Variants in PCA3 observed in about 807,000 individuals in gnomAD.
PCA3 encodes the protein prostate cancer associated 3, also known as Differential Display code 3.
intron 2 of PCA3, among the ~76,000 whole-genome samples, chr9:76,768,623 G>GTGTGTGTATATA (rs1491356086): frequency 7.7e-6 from 1 of 130,152 alleles, no homozygotes; most frequent in African/African-American, 2.8e-5. Context: ...GTGTGTGTGT[G>GTGTGTGTATATA]TATATCCCTG....
At chr9:76,785,402 G>C (rs2054874655) in intron 2 of PCA3, 1 of 152,178 alleles carries the variant, frequency 6.6e-6, no homozygotes, top group African/African-American at 2.4e-5. Flanking sequence ...TGTTTATGGG[G>C]CACGTTTGTA....
chr9:76,782,997 T>A (rs1791866847), intron 2 of PCA3, among the ~76,000 whole-genome samples: 1 of 152,218 alleles, frequency 6.6e-6, no homozygotes, highest in South Asian at 2.1e-4. Context: ...CTCCCCCATG[T>A]TACGTGTCAT....
At chr9:76,781,287 G>A (rs1400523139) in intron 2 of PCA3, among the ~76,000 whole-genome samples, 1 of 152,182 alleles carries the variant, frequency 6.6e-6, no homozygotes, top group East Asian at 1.9e-4. Flanking sequence ...AGTCTGAAGT[G>A]TTCACTCTGG....
intron 2 of PCA3, among the ~76,000 whole-genome samples, chr9:76,767,076 T>C (rs1366180587): frequency 6.6e-6 from 1 of 152,206 alleles, no homozygotes; most frequent in Non-Finnish European, 1.5e-5. Flanking sequence ...ACATACTTAC[T>C]GATGAATAAA....
chr9:76,772,702 T>G (rs1428429839), intron 2 of PCA3, among the ~76,000 whole-genome samples: 1 of 152,168 alleles, frequency 6.6e-6, no homozygotes, highest in East Asian at 1.9e-4. Flanking sequence ...TAGCTGGGAC[T>G]ATAGGCACAC....
intron 2 of PCA3, among the ~76,000 whole-genome samples, chr9:76,764,979 T>G (rs73460248): frequency 6.6e-6 from 1 of 152,124 alleles, no homozygotes; most frequent in Non-Finnish European, 1.5e-5. Context: ...GCAGAGCAGA[T>G]TTAGAGAAAA....
At chr9:76,771,827 C>T (rs562950473) in intron 2 of PCA3, among the ~76,000 whole-genome samples, 1 of 152,268 alleles carries the variant, frequency 6.6e-6, no homozygotes, top group Admixed American at 6.5e-5. Context: ...CCACAAAAGC[C>T]ACCAACCACT....
At chr9:76,776,893 TACAC>T (rs541232508) in intron 2 of PCA3, among the ~76,000 whole-genome samples, 1,280 of 115,628 alleles carry the variant, frequency 0.011, 6 homozygotes, top group East Asian at 0.028. Flanking sequence ...CCAAAACACA[TACAC>T]ACACACACAC....
intron 2 of PCA3, chr9:76,779,070 T>C (rs1372177189): frequency 2.0e-5 from 3 of 152,218 alleles, no homozygotes; most frequent in East Asian, 1.9e-4. Context: ...GAAGATACTA[T>C]GTTATGTGAT....
chr9:76,768,641 GATC>G (rs1388042641), intron 2 of PCA3, among the ~76,000 whole-genome samples: 19 of 145,682 alleles, frequency 1.3e-4, no homozygotes, highest in African/African-American at 3.3e-4. Context: ...CTGCTGACTA[GATC>G]ATCAACAATT....
At chr9:76,773,150 A>T (rs7022141) in intron 2 of PCA3, among the ~76,000 whole-genome samples, 84,988 of 152,086 alleles carry the variant, frequency 0.56, 25,249 homozygotes, top group African/African-American at 0.76. Flanking sequence ...CCCAAGTTAA[A>T]TTTACTTCAC....
At chr9:76,772,232 G>C (rs1486940773) in intron 2 of PCA3, among the ~76,000 whole-genome samples, 1 of 152,278 alleles carries the variant, frequency 6.6e-6, no homozygotes, top group African/African-American at 2.4e-5. Context: ...CCACTACAGA[G>C]GGAAATAACA....
intron 2 of PCA3, among the ~76,000 whole-genome samples, chr9:76,780,956 A>G (rs7861307): frequency 0.22 from 33,048 of 152,052 alleles, 3,667 homozygotes; most frequent in East Asian, 0.31. Flanking sequence ...ACATCCACCA[A>G]GTTTTTATGC....
intron 2 of PCA3, among the ~76,000 whole-genome samples, chr9:76,765,902 G>A (rs935809763): frequency 6.6e-6 from 1 of 152,134 alleles, no homozygotes; most frequent in African/African-American, 2.4e-5. Flanking sequence ...CTCGTTAGAG[G>A]CCAGACGCGG....
rs534042512 is a variant in PCA3 at position 76,770,542 on chromosome 9, A to G, written n.852+33927A>G. On this transcript the variant is annotated intron_variant and non_coding_transcript_variant, in intron 2 of 5. Coordinates refer to ENST00000644657, the Ensembl canonical transcript of PCA3. ...GACATTCATCTAAAATGGATTATGA[A>G]ATATCTGGTGAAATATTATGGTAAA... 2.0e-5 allele frequency among the ~76,000 whole-genome samples: 3 copies of G among 152,336 alleles called. No homozygotes were observed. In the South Asian group the frequency reaches 6.2e-4, roughly 32 times the overall value.
Position 76,778,402 on chromosome 9 carries a change from G to C in PCA3, n.853-30181G>C, listed in dbSNP as rs186778572. The C allele has an allele frequency of 6.6e-4, 101 of 152,338 alleles. No homozygotes were observed. The South Asian group carries it at 0.011, about 17-fold the overall frequency. 9.4% of individuals were successfully genotyped at this position (152,338 alleles called of 1,614,324 possible). On this transcript the variant is annotated intron_variant and non_coding_transcript_variant, in intron 2 of 5. Coordinates refer to ENST00000644657, the Ensembl canonical transcript of PCA3. Reference sequence around the variant, plus strand: ...CAGACTAATTGTTTCCAGTTTGATAGGAGACAATTAAAGGCTGGAAGGCAC... The same window carrying C: ...CAGACTAATTGTTTCCAGTTTGATACGAGACAATTAAAGGCTGGAAGGCAC...
intron 2 of PCA3, among the ~76,000 whole-genome samples, chr9:76,768,393 A>G (rs943356760): frequency 6.6e-6 from 1 of 152,008 alleles, no homozygotes; most frequent in Admixed American, 6.6e-5. Flanking sequence ...GGGGTTCACC[A>G]TGTTGGCCAA....
chr9:76,786,582 A>G (rs1166330911), intron 2 of PCA3: 1 of 152,138 alleles, frequency 6.6e-6, no homozygotes, highest in African/African-American at 2.4e-5. Context: ...TCTCCAACAC[A>G]TCGCTTACCA....
intron 2 of PCA3, among the ~76,000 whole-genome samples, chr9:76,766,007 C>A (rs996970595): frequency 6.6e-6 from 1 of 151,836 alleles, no homozygotes; most frequent in African/African-American, 2.4e-5. Context: ...ATGATGAAAC[C>A]CCGTCTCTAC....
Sources: allele counts gnomAD v4.1 joint callset (sites outside exome capture counted in the v4.1 genomes callset), GRCh38; gene constraint gnomAD v4.1.1; transcripts MANE v1.5; gene names NCBI Gene and HGNC (gene_info 2026-07-23, HGNC 2026-07-21).